Variants in CCDC25 observed in about 807,000 individuals in gnomAD.
CCDC25 encodes the protein coiled-coil domain containing 25, also known as coiled-coil domain-containing protein 25.
CCDC25 carries 16 observed loss-of-function variants against 35.3 expected under a neutral mutation model. The observed-to-expected ratio is 0.45, with a 90% CI of 0.31 to 0.69. The LOEUF (loss-of-function observed/expected upper bound fraction) is 0.69. CCDC25 is among the 30% of genes least tolerant of loss of function. The pLI is 0.06. For synonymous variants in CCDC25, 79 were observed against 80.3 expected (o/e 0.98, Z 0.09); for missense variants, 179 against 250.7 (o/e 0.71, Z 1.93).
At chr8:27,739,414 G>T (rs533601833) in intron 8 of CCDC25, among the ~76,000 whole-genome samples, 2 of 152,204 alleles carry the variant, frequency 1.3e-5, no homozygotes, top group Admixed American at 1.3e-4. Context: ...TAGATGACTT[G>T]TAAGGGATCT....
Position 27,770,386 on chromosome 8 carries a change from C to T in CCDC25, c.28+2127G>A, listed in dbSNP as rs573815699. ...AGGTTGCAGTAAGCTGAGATCGTGC[C>T]ACTGCACTCTAGCCTGGGTGACAAA... On this transcript the variant is annotated intron_variant, in intron 1 of 8. Coordinates refer to ENST00000356537, the MANE Select transcript of CCDC25 (RefSeq NM_018246.3). Among the ~76,000 whole-genome samples, 3 of 152,240 alleles carry T rather than the reference C, an allele frequency of 2.0e-5. No homozygotes were observed. In the South Asian group the frequency reaches 6.2e-4, roughly 32 times the overall value.
At chr8:27,769,095 A>T (rs1313543039) in intron 1 of CCDC25, among the ~76,000 whole-genome samples, 1 of 152,266 alleles carries the variant, frequency 6.6e-6, no homozygotes, top group African/African-American at 2.4e-5. Context: ...TTGGCAAGCC[A>T]TACAAATTCA....
chr8:27,772,215 T>A (rs1283618062), intron 1 of CCDC25: 3 of 545,464 alleles, frequency 5.5e-6, no homozygotes, highest in Admixed American at 3.2e-5. Context: ...GCCCACAGGC[T>A]CTGCCCAATC....
Position 27,740,592 on chromosome 8 carries a change from G to A in CCDC25, c.552-75C>T. 2.2e-6 allele frequency: 3 copies of A among 1,342,038 alleles called. No homozygotes were observed. The East Asian group carries it at 6.9e-5, about 31-fold the overall frequency. 83.1% of individuals were successfully genotyped at this position (1,342,038 alleles called of 1,614,324 possible). A position where few individuals can be genotyped will look rare whatever the true frequency, so the allele number is the denominator to read the frequency against. On this transcript the variant is annotated intron_variant, in intron 7 of 8. Coordinates refer to ENST00000356537, the MANE Select transcript of CCDC25 (RefSeq NM_018246.3). ...AACAAATATTTGATGAACATTTCCT[G>A]TGTATCCAGCACTGCTCAGGGGCTT...
intron 5 of CCDC25, among the ~76,000 whole-genome samples, chr8:27,750,697 G>A (rs1563449500): frequency 6.6e-6 from 1 of 152,224 alleles, no homozygotes; most frequent in Admixed American, 6.5e-5. Flanking sequence ...AGTCCGGACT[G>A]AACAGTTTAG....
chr8:27,744,043 G>C (rs1026716875), intron 7 of CCDC25, among the ~76,000 whole-genome samples: 5 of 152,182 alleles, frequency 3.3e-5, no homozygotes, highest in African/African-American at 1.2e-4. Flanking sequence ...TTTCCCCTCA[G>C]TTAATACAAA....
intron 3 of CCDC25, among the ~76,000 whole-genome samples, chr8:27,757,744 A>G (rs1158024030): frequency 6.6e-6 from 1 of 152,130 alleles, no homozygotes; most frequent in African/African-American, 2.4e-5. Context: ...ACTTTAGTTG[A>G]TATGATTTGG....
At chr8:27,763,824 GA>G (rs1286952940) in intron 2 of CCDC25, among the ~76,000 whole-genome samples, 2 of 152,134 alleles carry the variant, frequency 1.3e-5, no homozygotes, top group Non-Finnish European at 2.9e-5. Flanking sequence ...TTACCATCCA[GA>G]AAAGGAAAAG....
At chr8:27,747,929 T>TA in intron 7 of CCDC25, 148 bp downstream of exon 7, 1 of 732,860 alleles carries the variant, frequency 1.4e-6, no homozygotes, top group South Asian at 1.9e-5. Context: ...ATGCCTTTTT[T>TA]TAAAAAACTG....
intron 3 of CCDC25, among the ~76,000 whole-genome samples, chr8:27,760,548 A>C (rs994661932): frequency 6.6e-6 from 1 of 152,204 alleles, no homozygotes; most frequent in Admixed American, 6.5e-5. Context: ...CAGGGAGTCA[A>C]TTAGGAAATC....
At position 27,765,242 on chromosome 8, in the gene CCDC25, G is replaced by T. The variant is rs1003204051; in HGVS notation, c.38C>A (p.Ser13Tyr). 1.7e-5 allele frequency: 25 copies of T among 1,488,632 alleles called. No individual in the cohort carries two copies. The highest frequency in any genetic ancestry group is 2.2e-5 in the Non-Finnish European group (24 of 1,098,530). The allele number at this position is 1,488,632 out of a possible 1,614,324, so 92.2% of individuals were successfully genotyped here. Residue 13 changes from serine (S) to tyrosine (Y), a missense_variant, in exon 2 of 9, where the codon TCT becomes TAT. Transcript: ENST00000356537. ...TTTTCCCATGTAAATAGTGTAGGCA[G>T]ATGAATTAACTAAGATAAAACAAAA... ...FYFTSSSVNS[S>Y]AYTIYMGKDK... is the part of the protein sequence containing the mutation.
At chr8:27,759,004 A>T (rs1350304547) in intron 3 of CCDC25, among the ~76,000 whole-genome samples, 1 of 152,228 alleles carries the variant, frequency 6.6e-6, no homozygotes, top group East Asian at 1.9e-4. Context: ...CAGCTCTATA[A>T]ACAAACTATC....
chr8:27,767,987 G>T (rs1804457325), intron 1 of CCDC25, among the ~76,000 whole-genome samples: 1 of 151,458 alleles, frequency 6.6e-6, no homozygotes, highest in Non-Finnish European at 1.5e-5. Flanking sequence ...GGATTACTTG[G>T]GCCCAGGAGC....
At chr8:27,767,696 G>A (rs1005819115) in intron 1 of CCDC25, among the ~76,000 whole-genome samples, 3 of 152,196 alleles carry the variant, frequency 2.0e-5, no homozygotes, top group Admixed American at 6.5e-5. Flanking sequence ...AATAAAGCCT[G>A]TTGATTAGAT....
intron 4 of CCDC25, 48 bp from the exon 5 acceptor site, chr8:27,752,635 G>T: frequency 7.0e-7 from 1 of 1,427,858 alleles, no homozygotes; most frequent in Non-Finnish European, 9.9e-7. Flanking sequence ...ATTATCCATT[G>T]ACACTGGAGC....
chr8:27,750,619 T>C (rs1355681433), intron 5 of CCDC25, among the ~76,000 whole-genome samples: 1 of 152,132 alleles, frequency 6.6e-6, no homozygotes, highest in Non-Finnish European at 1.5e-5. Context: ...GCTTTGGCTG[T>C]AGTGTGAAAT....
At chr8:27,757,858 G>C (rs1804070595) in intron 3 of CCDC25, among the ~76,000 whole-genome samples, 1 of 152,138 alleles carries the variant, frequency 6.6e-6, no homozygotes, top group Non-Finnish European at 1.5e-5. Context: ...TTCATGAATG[G>C]GTTAGCACCA....
intron 8 of CCDC25, among the ~76,000 whole-genome samples, chr8:27,738,962 G>A (rs1406709346): frequency 6.8e-6 from 1 of 146,660 alleles, no homozygotes; most frequent in Non-Finnish European, 1.5e-5. Flanking sequence ...TATTTACAAA[G>A]TAGGTCAAGG....
intron 1 of CCDC25, among the ~76,000 whole-genome samples, chr8:27,770,584 A>G (rs989756805): frequency 6.6e-6 from 1 of 151,998 alleles, no homozygotes; most frequent in Non-Finnish European, 1.5e-5. Context: ...CTAAAAAAAT[A>G]CAAAATTAGC....
Sources: allele counts gnomAD v4.1 joint callset (sites outside exome capture counted in the v4.1 genomes callset), GRCh38; gene constraint gnomAD v4.1.1; transcripts MANE v1.5; gene names NCBI Gene and HGNC (gene_info 2026-07-23, HGNC 2026-07-21).